The following CCDC91 variants were observed in gnomAD, a reference collection of about 807,000 sequenced individuals.
CCDC91 encodes coiled-coil domain containing 91, also known as coiled-coil domain-containing protein 91.
In CCDC91, 48 loss-of-function variants were observed where a neutral mutation model predicts 63.2. The observed-to-expected ratio is 0.76, with a 90% CI of 0.60 to 0.97. The LOEUF (loss-of-function observed/expected upper bound fraction) is 0.97. Among genes scored for constraint, CCDC91 ranks in the 50% least tolerant of loss-of-function variants. CCDC91 has a pLI of 0.00. For missense variants in CCDC91, 500 were observed against 494.6 expected (o/e 1.01, Z -0.10); for synonymous variants, 167 against 165.8 (o/e 1.01, Z -0.06).
chr12:28,397,449 A>G (rs568097219), intron 8 of CCDC91, among the ~76,000 whole-genome samples: 5 of 152,240 alleles, frequency 3.3e-5, no homozygotes, highest in Admixed American at 2.6e-4. Context: ...TTCGGCCTAG[A>G]AGTAGAGCTC....
chr12:28,370,890 C>T (rs1023942866), intron 7 of CCDC91, among the ~76,000 whole-genome samples: 21 of 152,092 alleles, frequency 1.4e-4, no homozygotes, highest in Non-Finnish European at 2.5e-4. Flanking sequence ...AGAACTCACT[C>T]ACTATCATGA....
At chr12:28,300,548 A>C (rs1389893701) in intron 3 of CCDC91, among the ~76,000 whole-genome samples, 4 of 151,570 alleles carry the variant, frequency 2.6e-5, no homozygotes, top group African/African-American at 9.7e-5. Context: ...TATTTTAATA[A>C]GAGGGAATGG....
chr12:28,385,780 T>C (rs1445946250), intron 7 of CCDC91, among the ~76,000 whole-genome samples: 1 of 152,154 alleles, frequency 6.6e-6, no homozygotes, highest in African/African-American at 2.4e-5. Flanking sequence ...ATGGGGCTAT[T>C]TCAAGGGAGG....
At chr12:28,517,337 T>TTA (rs1416672749) in intron 12 of CCDC91, among the ~76,000 whole-genome samples, 2 of 151,910 alleles carry the variant, frequency 1.3e-5, no homozygotes, top group Non-Finnish European at 2.9e-5. Flanking sequence ...GAAGTGGTGT[T>TTA]TATATTTTCC....
At chr12:28,505,023 AT>A (rs1474259777) in intron 12 of CCDC91, among the ~76,000 whole-genome samples, 3 of 151,962 alleles carry the variant, frequency 2.0e-5, no homozygotes, top group African/African-American at 7.2e-5. Flanking sequence ...ATGGTTACCC[AT>A]TGTAGTATCT....
At chr12:28,242,625 A>G (rs1945421891) in intron 1 of CCDC91, among the ~76,000 whole-genome samples, 1 of 152,030 alleles carries the variant, frequency 6.6e-6, no homozygotes, top group African/African-American at 2.4e-5. Context: ...CTGTGAGTCA[A>G]AGCCATTATT....
intron 1 of CCDC91, among the ~76,000 whole-genome samples, chr12:28,203,625 G>A (rs1222873140): frequency 6.6e-6 from 1 of 152,158 alleles, no homozygotes; most frequent in African/African-American, 2.4e-5. Flanking sequence ...CCTAAATTTA[G>A]GGAGGTGTCT....
intron 3 of CCDC91, among the ~76,000 whole-genome samples, chr12:28,286,752 T>C (rs1348832296): frequency 1.3e-5 from 2 of 152,168 alleles, no homozygotes; most frequent in Non-Finnish European, 2.9e-5. Context: ...TTGGGTCATA[T>C]AGTAGTTTGT....
intron 12 of CCDC91, among the ~76,000 whole-genome samples, chr12:28,509,884 A>G (rs78552363): frequency 0.03 from 4,526 of 152,062 alleles, 105 homozygotes; most frequent in South Asian, 0.12. Flanking sequence ...TTATTTTCCC[A>G]TAGATATGAA....
At chr12:28,524,918 T>TA (rs1941123564) in intron 12 of CCDC91, among the ~76,000 whole-genome samples, 2 of 152,162 alleles carry the variant, frequency 1.3e-5, no homozygotes, top group Admixed American at 1.3e-4. Context: ...TGATGTTTAG[T>TA]ATTTCTGTGA....
chr12:28,310,756 T>G (rs1159560432), intron 6 of CCDC91, among the ~76,000 whole-genome samples: 1 of 152,028 alleles, frequency 6.6e-6, no homozygotes. Context: ...TATTGTATAT[T>G]TCAGTTCTAA....
At chr12:28,523,982 C>G (rs780923665) in intron 12 of CCDC91, among the ~76,000 whole-genome samples, 3 of 152,022 alleles carry the variant, frequency 2.0e-5, no homozygotes, top group Non-Finnish European at 4.4e-5. Flanking sequence ...AGAAGAGTAA[C>G]TCTAAGACAC....
Position 28,488,929 on chromosome 12 carries a change from C to T in CCDC91, c.1215+4764C>T, listed in dbSNP as rs138244670. Among the ~76,000 whole-genome samples the T allele has an allele frequency of 4.1e-3, 618 of 151,856 alleles. 8 individuals carry two copies. Among genetic ancestry groups the T allele is most frequent in the African/African-American group, 0.014 (594 of 41,484 alleles). On this transcript the variant is annotated intron_variant, in intron 12 of 12. Coordinates refer to ENST00000536442, the MANE Select transcript of CCDC91 (RefSeq NM_018318.5). ...CAAACTGCAACTCATGGGTCAAATC[C>T]GGCCTGCTGCCTGCTTTTATAAATA...
intron 8 of CCDC91, among the ~76,000 whole-genome samples, chr12:28,396,661 T>C (rs1946309967): frequency 6.6e-6 from 1 of 151,330 alleles, no homozygotes; most frequent in Admixed American, 6.6e-5. Context: ...TGTGTGTGTG[T>C]GTGTGTGTGT....
At chr12:28,259,322 G>A in intron 2 of CCDC91, 42 bp from the exon 3 acceptor site, 1 of 1,437,976 alleles carries the variant, frequency 7.0e-7, no homozygotes, top group Non-Finnish European at 9.8e-7. Context: ...TAGCATTTCT[G>A]CTTTTCACAT....
intron 12 of CCDC91, among the ~76,000 whole-genome samples, chr12:28,541,054 G>A (rs983298572): frequency 1.3e-5 from 2 of 152,116 alleles, no homozygotes; most frequent in African/African-American, 4.8e-5. Context: ...AGGCACTCCT[G>A]TAACAGTGCC....
chr12:28,320,591 C>G (rs1041721165), intron 6 of CCDC91, among the ~76,000 whole-genome samples: 2 of 151,888 alleles, frequency 1.3e-5, no homozygotes, highest in Admixed American at 6.6e-5. Flanking sequence ...AAGCCACAGA[C>G]CTCAGCAGTA....
At position 28,549,015 on chromosome 12, in the gene CCDC91, T is replaced by G. The variant is rs761443191; in HGVS notation, c.1216-48T>G. The G allele has an allele frequency of 4.0e-6, 5 of 1,263,158 alleles. No individual in the cohort carries two copies. The African/African-American group carries it at 5.9e-5, about 15-fold the overall frequency. The allele number at this position is 1,263,158 out of a possible 1,614,324, so 78.2% of individuals were successfully genotyped here. A position where few individuals can be genotyped will look rare whatever the true frequency, so the allele number is the denominator to read the frequency against. ...GACATAATATTCTTTATCCTTCAAC[T>G]CAGTATTTTTTTTTCTCTTTCTCTC... On this transcript the variant is annotated intron_variant, in intron 12 of 12. Coordinates refer to ENST00000536442, the MANE Select transcript of CCDC91 (RefSeq NM_018318.5).
At chr12:28,254,439 A>C (rs1946310950) in intron 1 of CCDC91, among the ~76,000 whole-genome samples, 1 of 152,198 alleles carries the variant, frequency 6.6e-6, no homozygotes, top group Admixed American at 6.5e-5. Flanking sequence ...AAAATACTTG[A>C]TAAGAATGCA....
Sources: allele counts gnomAD v4.1 joint callset (sites outside exome capture counted in the v4.1 genomes callset), GRCh38; gene constraint gnomAD v4.1.1; transcripts MANE v1.5; gene names NCBI Gene and HGNC (gene_info 2026-07-23, HGNC 2026-07-21).